Variants in HMGCLL1 observed in about 807,000 individuals in gnomAD.
The protein encoded by HMGCLL1 is 3-hydroxy-3-methylglutaryl-CoA lyase like 1.
In HMGCLL1, 36 loss-of-function variants were observed where a neutral mutation model predicts 39.1. That is an observed-to-expected ratio of 0.92 (90% confidence interval 0.71 to 1.22). The LOEUF is 1.22. HMGCLL1 is among the 50% of genes most tolerant of loss of function. The probability of loss-of-function intolerance (pLI) is 0.00; values close to 1 mark genes in which losing one functional copy is unlikely to be tolerated. For synonymous variants in HMGCLL1, 149 were observed against 144.0 expected (o/e 1.03, Z -0.25); for missense variants, 451 against 416.5 (o/e 1.08, Z -0.72).
chr6:55,517,648 A>G (rs1767810900), intron 3 of HMGCLL1, among the ~76,000 whole-genome samples: 2 of 151,962 alleles, frequency 1.3e-5, no homozygotes, highest in Non-Finnish European at 1.5e-5. Flanking sequence ...GCTTTTTAAA[A>G]CATAGTTAAA....
At chr6:55,541,872 A>G (rs12196868) in intron 2 of HMGCLL1, 36 bp from the exon 3 acceptor site, 256,283 of 1,218,134 alleles carry the variant, frequency 0.21, 27,709 homozygotes, top group Admixed American at 0.27. Flanking sequence ...AGTAAATTGT[A>G]TAGGTCCTAT....
intron 3 of HMGCLL1, among the ~76,000 whole-genome samples, chr6:55,524,343 T>G (rs1056222906): frequency 1.3e-5 from 2 of 151,648 alleles, no homozygotes; most frequent in African/African-American, 4.8e-5. Context: ...TTTTCTGAAT[T>G]TTGAGATATT....
chr6:55,512,892 T>A (rs1361768129), intron 5 of HMGCLL1: 3 of 152,090 alleles, frequency 2.0e-5, no homozygotes. Context: ...TATCTCCATA[T>A]TTATAAAATT....
At chr6:55,657,978 G>A in the HMGCLL1 span, among the ~76,000 whole-genome samples, 2 of 151,792 alleles carry the variant, frequency 1.3e-5, no homozygotes, top group African/African-American at 4.8e-5. Context: ...ATACCTGGGT[G>A]ATGAAATAAT....
the HMGCLL1 span, among the ~76,000 whole-genome samples, chr6:55,644,090 A>C: frequency 1.3e-5 from 2 of 151,974 alleles, no homozygotes; most frequent in Admixed American, 1.3e-4. Context: ...TCTTGGATAT[A>C]AGCCATTTTA....
chr6:55,628,930 C>T, the HMGCLL1 span, among the ~76,000 whole-genome samples: 1 of 152,116 alleles, frequency 6.6e-6, no homozygotes, highest in South Asian at 2.1e-4. Flanking sequence ...GTCCATTAAA[C>T]CTCTTTCTTT....
chr6:55,562,732 T>A lies in HMGCLL1; in HGVS notation c.108+16216A>T, dbSNP rs146318947. Among the ~76,000 whole-genome samples, 281 of 152,242 alleles carry A rather than the reference T, an allele frequency of 1.8e-3. 1 individual carries two copies. The highest frequency in any genetic ancestry group is 6.8e-3 in the Middle Eastern group (2 of 294). On this transcript the variant is annotated intron_variant, in intron 1 of 8. Transcript: ENST00000274901. ...GACAAGAGTAGAACAGGCTAAGCGA[T>A]CAACTACAAGGCTGATGAAACAGTG...
intron 1 of HMGCLL1, among the ~76,000 whole-genome samples, chr6:55,565,680 C>A (rs761980422): frequency 2.7e-4 from 41 of 152,006 alleles, no homozygotes; most frequent in Non-Finnish European, 4.9e-4. Context: ...AGTATTTATG[C>A]AAGCTTTATG....
chr6:55,463,029 CT>C (rs34168815), intron 7 of HMGCLL1, among the ~76,000 whole-genome samples: 31,355 of 135,942 alleles, frequency 0.23, 3,370 homozygotes, highest in African/African-American at 0.25. Context: ...TTTTTTCTTT[CT>C]TTTTTTTTTT....
upstream of HMGCLL1, among the ~76,000 whole-genome samples, chr6:55,580,283 A>G (rs981279821): frequency 5.3e-5 from 8 of 152,086 alleles, no homozygotes; most frequent in African/African-American, 1.7e-4. Flanking sequence ...GGAAAAAGAC[A>G]AAGAGTGGAA....
the HMGCLL1 span, among the ~76,000 whole-genome samples, chr6:55,671,513 T>C: frequency 5.3e-5 from 8 of 151,880 alleles, no homozygotes; most frequent in African/African-American, 1.7e-4. Context: ...TATGAAATTT[T>C]AGTTGGAGAC....
chr6:55,578,960 G>A lies in HMGCLL1; in HGVS notation c.96C>T (p.Leu32=), dbSNP rs1466383714. The change falls in exon 1 of 9, where the codon CTC becomes CTT. Residue 32 remains leucine, a synonymous_variant. Transcript: ENST00000274901. ...CGCGAGGTGGTACCTGCGCGGGGTCGAGCGCCCCTGCCACTGAATCCCCGA... is the reference window on the plus strand; with the variant it reads ...CGCGAGGTGGTACCTGCGCGGGGTCAAGCGCCCCTGCCACTGAATCCCCGA... ...LWIGDSVAGA[L]DPAQETSQLS... 4.3e-6 allele frequency: 7 copies of A among 1,611,278 alleles called. No individual in the cohort carries two copies. Among genetic ancestry groups the A allele is most frequent in the Non-Finnish European group, 5.9e-6 (7 of 1,178,906 alleles).
the HMGCLL1 span, among the ~76,000 whole-genome samples, chr6:55,595,000 T>C: frequency 6.6e-6 from 1 of 152,224 alleles, no homozygotes; most frequent in Admixed American, 6.5e-5. Context: ...TTTTAATTTC[T>C]GTTAATGCTT....
At chr6:55,585,711 G>A in the HMGCLL1 span, among the ~76,000 whole-genome samples, 131 of 151,986 alleles carry the variant, frequency 8.6e-4, 1 homozygote, top group African/African-American at 2.9e-3. Flanking sequence ...TTAAGAAGAC[G>A]TAGTAACATT....
the HMGCLL1 span, among the ~76,000 whole-genome samples, chr6:55,675,350 G>A: frequency 3.3e-5 from 5 of 151,990 alleles, no homozygotes; most frequent in African/African-American, 9.7e-5. Context: ...CATTAGCCTT[G>A]AACATAAGAA....
At chr6:55,603,395 T>A in the HMGCLL1 span, among the ~76,000 whole-genome samples, 9 of 152,100 alleles carry the variant, frequency 5.9e-5, no homozygotes, top group African/African-American at 2.2e-4. Flanking sequence ...TCCACTTTTT[T>A]AAAGGGTTAG....
the HMGCLL1 span, among the ~76,000 whole-genome samples, chr6:55,597,914 A>G: frequency 6.6e-6 from 1 of 152,208 alleles, no homozygotes; most frequent in Non-Finnish European, 1.5e-5. Flanking sequence ...AAACTCATAA[A>G]TGAACATGAT....
the HMGCLL1 span, among the ~76,000 whole-genome samples, chr6:55,638,268 G>A: frequency 2.0e-5 from 3 of 151,860 alleles, no homozygotes; most frequent in Admixed American, 6.6e-5. Flanking sequence ...TTAGCTGGGT[G>A]TGGTGGCGGG....
intron 8 of HMGCLL1, among the ~76,000 whole-genome samples, chr6:55,438,143 T>C (rs1403537807): frequency 6.6e-6 from 1 of 152,068 alleles, no homozygotes; most frequent in Non-Finnish European, 1.5e-5. Context: ...TCTAAATTTC[T>C]AAGAAAGGAG....
Sources: gnomAD v4.1 joint callset for allele counts (sites outside exome capture counted in the v4.1 genomes callset) on GRCh38, gnomAD v4.1.1 for gene constraint, MANE v1.5 for transcripts, NCBI Gene and HGNC (gene_info 2026-07-23, HGNC 2026-07-21) for gene names.